The following GSE1 variants were observed in gnomAD, a reference collection of about 807,000 sequenced individuals.
GSE1 encodes the protein Gse1 coiled-coil protein.
In GSE1, 32 loss-of-function variants were observed where a neutral mutation model predicts 112.6. The observed-to-expected ratio is 0.28, with a 90% CI of 0.21 to 0.38. GSE1 has a LOEUF of 0.38. Ranked by LOEUF, GSE1 falls within the 10% of genes least tolerant of loss-of-function variation. The probability of loss-of-function intolerance (pLI) is 1.00; values close to 1 mark genes in which losing one functional copy is unlikely to be tolerated. For missense variants in GSE1, 2,348 were observed against 1,699.2 expected (o/e 1.38, Z -6.71); for synonymous variants, 1,115 against 735.6 (o/e 1.52, Z -8.35).
intron 1 of GSE1, among the ~76,000 whole-genome samples, chr16:85,279,635 C>G (rs1049001277): frequency 6.7e-6 from 1 of 149,760 alleles, no homozygotes; most frequent in African/African-American, 2.6e-5. Flanking sequence ...ATCAATCAAA[C>G]AGTGATGTAG....
chr16:85,251,808 G>A (rs530700405), intron 1 of GSE1, among the ~76,000 whole-genome samples: 1 of 152,218 alleles, frequency 6.6e-6, no homozygotes, highest in African/African-American at 2.4e-5. Context: ...ACTGGCACCC[G>A]GCTCCTGTCT....
chr16:85,213,379 G>T (rs1166096363), intron 1 of GSE1, among the ~76,000 whole-genome samples: 1 of 152,136 alleles, frequency 6.6e-6, no homozygotes, highest in African/African-American at 2.4e-5. Context: ...CTTGAGCTCG[G>T]GAGGTGGAGA....
At chr16:85,667,584 G>A (rs991472171) in intron 13 of GSE1, among the ~76,000 whole-genome samples, 2 of 152,220 alleles carry the variant, frequency 1.3e-5, no homozygotes, top group African/African-American at 2.4e-5. Flanking sequence ...GCAGCCGGGC[G>A]CAGTGGCTCA....
chr16:85,343,068 A>G (rs1338536474), intron 1 of GSE1, among the ~76,000 whole-genome samples: 5 of 152,022 alleles, frequency 3.3e-5, no homozygotes, highest in Non-Finnish European at 7.4e-5. Context: ...TGCCTCCCTC[A>G]GCCTCTCAGG....
chr16:85,443,719 C>T (rs556766504), intron 2 of GSE1, among the ~76,000 whole-genome samples: 19 of 152,346 alleles, frequency 1.2e-4, no homozygotes, highest in South Asian at 2.1e-4. Flanking sequence ...GGAGAGTCCT[C>T]GCACCAGAGG....
At chr16:85,662,127 G>A (rs1172827023) in intron 9 of GSE1, among the ~76,000 whole-genome samples, 4 of 152,166 alleles carry the variant, frequency 2.6e-5, no homozygotes, top group South Asian at 2.1e-4. Flanking sequence ...TGGGCTCAGC[G>A]GGGGCTCCAC....
chr16:85,479,188 ATT>A (rs59825091), intron 2 of GSE1, among the ~76,000 whole-genome samples: 1 of 82,498 alleles, frequency 1.2e-5, no homozygotes, highest in Non-Finnish European at 2.1e-5. Context: ...TGCCCGGCTA[ATT>A]TTTTTTTTTT....
chr16:85,489,671 G>A (rs2050949775), intron 2 of GSE1: 1 of 151,842 alleles, frequency 6.6e-6, no homozygotes, highest in African/African-American at 2.4e-5. Context: ...TGAACCCCCA[G>A]TGTGGTGACT....
At chr16:85,626,463 G>A (rs907413991) in intron 1 of GSE1, among the ~76,000 whole-genome samples, 3 of 152,198 alleles carry the variant, frequency 2.0e-5, no homozygotes, top group African/African-American at 7.2e-5. Context: ...GCTGGGGGAC[G>A]CCCTTTATTT....
chr16:85,636,573 G>T (rs920088338), intron 2 of GSE1, among the ~76,000 whole-genome samples: 6 of 152,228 alleles, frequency 3.9e-5, no homozygotes, highest in Non-Finnish European at 8.8e-5. Context: ...CTGGCCGGCA[G>T]CCCTCCCGGG....
At chr16:85,644,503 T>A (rs751562751) in intron 2 of GSE1, among the ~76,000 whole-genome samples, 1 of 152,090 alleles carries the variant, frequency 6.6e-6, no homozygotes, top group Non-Finnish European at 1.5e-5. Context: ...AGAGATTCTC[T>A]TAGGTGCTGC....
chr16:85,207,061 G>A (rs1000558202), intron 1 of GSE1, among the ~76,000 whole-genome samples: 2 of 152,214 alleles, frequency 1.3e-5, no homozygotes, highest in African/African-American at 2.4e-5. Flanking sequence ...TGGCAGGTCC[G>A]AGCGGAGGGC....
At chr16:85,484,391 A>T (rs1273716950) in intron 2 of GSE1, among the ~76,000 whole-genome samples, 3 of 152,262 alleles carry the variant, frequency 2.0e-5, no homozygotes, top group Non-Finnish European at 4.4e-5. Flanking sequence ...GTTTTTAAAA[A>T]TTAGTTGATA....
intron 1 of GSE1, among the ~76,000 whole-genome samples, chr16:85,304,404 G>A (rs1007842248): frequency 6.6e-6 from 1 of 152,222 alleles, no homozygotes; most frequent in Non-Finnish European, 1.5e-5. Context: ...TGCATTCTGT[G>A]GGGGCTGGGC....
At chr16:85,656,002 C>T in intron 6 of GSE1, 85 bp downstream of exon 6, 2 of 1,100,968 alleles carry the variant, frequency 1.8e-6, no homozygotes, top group Admixed American at 2.2e-5. Flanking sequence ...TGGAACCTGA[C>T]TGGACTCCTT....
rs141174195 is a variant in GSE1, at chr16:85,344,341, C to T, written c.2284-13122C>T. ...GTTGGCAAGGTTTGTGAGCAGCCCG[C>T]GCGTTGCTTTTGCCCGGAACCCTGG... On this transcript the variant is annotated intron_variant, in intron 1 of 2. Coordinates refer to the GSE1 transcript ENST00000637419. Among the ~76,000 whole-genome samples, 23 of 152,266 alleles carry T rather than the reference C, an allele frequency of 1.5e-4. No homozygotes were observed. In the East Asian group the frequency reaches 4.3e-3, roughly 28 times the overall value.
intron 1 of GSE1, among the ~76,000 whole-genome samples, chr16:85,242,997 G>T (rs1325838005): frequency 6.6e-6 from 1 of 152,038 alleles, no homozygotes; most frequent in Non-Finnish European, 1.5e-5. Flanking sequence ...AATTTTTACA[G>T]AGATGGGGTC....
chr16:85,639,111 G>A (rs533700756), intron 2 of GSE1, among the ~76,000 whole-genome samples: 4 of 152,318 alleles, frequency 2.6e-5, no homozygotes, highest in Admixed American at 6.5e-5. Flanking sequence ...AGTCTGAGCC[G>A]AGGCGTCCCT....
rs192997142 is a variant in GSE1 at position 85,204,017 on chromosome 16, G to A, written c.2283+32210G>A. Among the ~76,000 whole-genome samples the A allele has an allele frequency of 6.8e-3, 1,033 of 152,190 alleles. 12 individuals are homozygous for A. The highest frequency in any genetic ancestry group is 0.024 in the African/African-American group (998 of 41,506). On this transcript the variant is annotated intron_variant, in intron 1 of 2. Transcript: ENST00000637419. The stretch of plus-strand genomic sequence containing the variant: ...TGGGCTCAAGCAGTCTTTCTGCCTC[G>A]CCTCGGCCTCCCAAAGTGCTGGGAT...
Sources: allele counts gnomAD v4.1 joint callset (sites outside exome capture counted in the v4.1 genomes callset), GRCh38; gene constraint gnomAD v4.1.1; transcripts MANE v1.5; gene names NCBI Gene and HGNC (gene_info 2026-07-23, HGNC 2026-07-21).